PKNOX1: variants seen among roughly 807,000 people sequenced by gnomAD.
PKNOX1 encodes the protein PBX/knotted 1 homeobox 1.
Under a neutral mutation model 51.9 loss-of-function variants are expected in PKNOX1, and 15 were observed. The observed-to-expected ratio is 0.29, with a 90% CI of 0.19 to 0.45. The LOEUF is 0.45. PKNOX1 is among the 20% of genes least tolerant of loss of function. The probability of loss-of-function intolerance (pLI) is 1.00; values close to 1 mark genes in which losing one functional copy is unlikely to be tolerated. For synonymous variants in PKNOX1, 219 were observed against 211.1 expected (o/e 1.04, Z -0.32); for missense variants, 462 against 547.5 (o/e 0.84, Z 1.56).
At chr21:43,000,139 C>CA (rs1978686906) in intron 1 of PKNOX1, among the ~76,000 whole-genome samples, 3 of 152,102 alleles carry the variant, frequency 2.0e-5, no homozygotes, top group African/African-American at 7.2e-5. Flanking sequence ...CCAAACTTTC[C>CA]CACATTTTCC....
intron 1 of PKNOX1, among the ~76,000 whole-genome samples, chr21:42,991,597 G>T (rs1049492297): frequency 6.6e-6 from 1 of 151,778 alleles, no homozygotes; most frequent in Non-Finnish European, 1.5e-5. Context: ...GCATGGTGGC[G>T]GGCACCTGTA....
Position 43,030,395 on chromosome 21 carries a change from T to G in PKNOX1, c.*294T>G. The G allele has an allele frequency of 4.2e-6, 1 of 235,938 alleles. No individual in the cohort carries two copies. Among genetic ancestry groups the G allele is most frequent in the African/African-American group, 2.2e-5 (1 of 44,538 alleles). The allele number at this position is 235,938 out of a possible 1,614,324, so 14.6% of individuals were successfully genotyped here. ...TCCCTCCCCACCTTGAATCCCTAAT[T>G]AGATTAAGGAATAGCGCTGCCATTT... On this transcript the variant is annotated 3_prime_UTR_variant, in exon 11 of 11. Coordinates refer to ENST00000291547, the MANE Select transcript of PKNOX1 (RefSeq NM_004571.5).
chr21:42,991,589 A>T (rs2059087333), intron 1 of PKNOX1, among the ~76,000 whole-genome samples: 5 of 152,082 alleles, frequency 3.3e-5, no homozygotes. Flanking sequence ...TTAGCTGGGC[A>T]TGGTGGCGGG....
rs753129291 is a variant in PKNOX1, at chr21:43,029,918, G to A, written c.1128G>A (p.Val376=). 8 of 1,614,138 alleles carry A rather than the reference G, an allele frequency of 5.0e-6. No individual in the cohort carries two copies. The South Asian group carries it at 8.8e-5, about 18-fold the overall frequency. The part of the protein sequence containing the change: ...EGAVVTITTP[V]NMNVDSLQSL... The stretch of plus-strand genomic sequence containing the variant: ...CTGTTGTCACCATCACCACGCCCGT[G>A]AACATGAACGTGGACAGCCTTCAGT... The change falls in exon 11 of 11, where the codon GTG becomes GTA. Residue 376 remains valine, a synonymous_variant. Coordinates refer to ENST00000291547, the MANE Select transcript of PKNOX1 (RefSeq NM_004571.5).
chr21:43,007,628 G>A lies in PKNOX1; in HGVS notation c.179+10G>A, dbSNP rs762244786. The A allele has an allele frequency of 1.5e-5, 25 of 1,613,872 alleles. No homozygotes were observed. Among genetic ancestry groups the A allele is most frequent in the South Asian group, 4.4e-5 (4 of 91,070 alleles). On this transcript the variant is annotated intron_variant, in intron 3 of 10. Coordinates refer to ENST00000291547, the MANE Select transcript of PKNOX1 (RefSeq NM_004571.5). ...AGCAGGCCATTTATAGGTAGTGCCCGGGGTGCCGGCTGTGGGGGCCTCAGA... is the reference window on the plus strand; with the variant it reads ...AGCAGGCCATTTATAGGTAGTGCCCAGGGTGCCGGCTGTGGGGGCCTCAGA...
intron 1 of PKNOX1, among the ~76,000 whole-genome samples, chr21:42,987,404 A>AAT (rs1170402960): frequency 0.018 from 763 of 41,256 alleles, 35 homozygotes; most frequent in Middle Eastern, 0.05. Flanking sequence ...AAAAAAAAAA[A>AAT]ATATATATAT....
intron 5 of PKNOX1, among the ~76,000 whole-genome samples, chr21:43,013,907 A>T (rs557962821): frequency 4.0e-4 from 61 of 152,098 alleles, no homozygotes; most frequent in African/African-American, 1.4e-3. Context: ...TAGTGATATT[A>T]ATATTTCTTT....
intron 4 of PKNOX1, among the ~76,000 whole-genome samples, chr21:43,011,251 A>G (rs1047043695): frequency 6.6e-6 from 1 of 151,202 alleles, no homozygotes; most frequent in Non-Finnish European, 1.5e-5. Context: ...TTGTATTTTT[A>G]GTAGAGACGG....
At chr21:43,009,941 T>C (rs1979174877) in intron 3 of PKNOX1, 112 bp from the exon 4 acceptor site, 1 of 564,318 alleles carries the variant, frequency 1.8e-6, no homozygotes, top group South Asian at 3.6e-5. Context: ...CCGTGTGGCG[T>C]GTGCATTTTC....
At position 43,030,144 on chromosome 21, in the gene PKNOX1, A is replaced by G. The variant is rs1980192504; in HGVS notation, c.*43A>G. On this transcript the variant is annotated 3_prime_UTR_variant, in exon 11 of 11. Transcript: ENST00000291547. The stretch of plus-strand genomic sequence containing the variant: ...CCTGACTTTTTGGAGTTTGCACAGC[A>G]AACATTTTACACAGTTTTATTTCTA... The G allele has an allele frequency of 3.6e-6, 5 of 1,408,420 alleles. No individual in the cohort carries two copies. Among genetic ancestry groups the G allele is most frequent in the Non-Finnish European group, 4.9e-6 (5 of 1,022,632 alleles). 87.2% of individuals were successfully genotyped at this position (1,408,420 alleles called of 1,614,324 possible). A position where few individuals can be genotyped will look rare whatever the true frequency, so the allele number is the denominator to read the frequency against.
intron 8 of PKNOX1, among the ~76,000 whole-genome samples, chr21:43,022,031 G>A (rs1435031985): frequency 6.6e-6 from 1 of 152,246 alleles, no homozygotes; most frequent in Admixed American, 6.5e-5. Flanking sequence ...CACGCTGTGT[G>A]GCACCATTGC....
chr21:43,006,723 C>T (rs1037264719), intron 2 of PKNOX1, among the ~76,000 whole-genome samples: 3 of 152,156 alleles, frequency 2.0e-5, no homozygotes, highest in African/African-American at 4.8e-5. Context: ...TCCCCGCCCC[C>T]GCTGCCCCAA....
chr21:43,019,378 C>T (rs1160892740), intron 7 of PKNOX1, among the ~76,000 whole-genome samples: 5 of 142,338 alleles, frequency 3.5e-5, no homozygotes, highest in Non-Finnish European at 6.1e-5. Flanking sequence ...GCAACAAGAG[C>T]AAAACTCCAT....
chr21:42,977,537 CTTTTTTTTT>C (rs3044504), intron 1 of PKNOX1, among the ~76,000 whole-genome samples: 17 of 47,158 alleles, frequency 3.6e-4, no homozygotes, highest in African/African-American at 1.5e-3. Flanking sequence ...CTGCTTCCAA[CTTTTTTTTT>C]TTTTTTTTTT....
At chr21:42,979,436 A>G (rs1011440956) in intron 1 of PKNOX1, among the ~76,000 whole-genome samples, 1 of 152,244 alleles carries the variant, frequency 6.6e-6, no homozygotes, top group Non-Finnish European at 1.5e-5. Flanking sequence ...GCAAAACACA[A>G]TAAAAGGTAA....
In PKNOX1 at chr21:43,030,289, G is replaced by C; in HGVS notation, c.*188G>C. On this transcript the variant is annotated 3_prime_UTR_variant, in exon 11 of 11. Transcript: ENST00000291547. ...TGTGTGTGTGTGTGTGTGTGTGTGT[G>C]TGTGCGTGTGTGCGTGTGTGTGGAT... The C allele has an allele frequency of 2.3e-6, 1 of 426,422 alleles. No individual in the cohort carries two copies. The highest frequency in any genetic ancestry group is 4.1e-5 in the Admixed American group (1 of 24,646). The allele number at this position is 426,422 out of a possible 1,614,324, so 26.4% of individuals were successfully genotyped here.
chr21:43,030,021 A>G lies in PKNOX1; in HGVS notation c.1231A>G (p.Ser411Gly). The G allele has an allele frequency of 6.2e-7, 1 of 1,614,014 alleles. No homozygotes were observed. Among genetic ancestry groups the G allele is most frequent in the African/African-American group, 1.3e-5 (1 of 75,076 alleles). The change falls in exon 11 of 11, where the codon AGC becomes GGC. Residue 411 changes from serine to glycine, a missense_variant. Coordinates refer to ENST00000291547, the MANE Select transcript of PKNOX1 (RefSeq NM_004571.5). ...AGQSEDESVD[S>G]TEEDAGALAP... is the part of the protein sequence containing the mutation. ...GCAGAGCGAGGACGAGTCTGTGGAC[A>G]GCACAGAGGAGGATGCGGGTGCCCT...
intron 1 of PKNOX1, among the ~76,000 whole-genome samples, chr21:42,985,553 T>C (rs1193696481): frequency 6.7e-6 from 1 of 149,726 alleles, no homozygotes; most frequent in Admixed American, 6.7e-5. Flanking sequence ...CAGGCTGGTC[T>C]CGAACTCCTG....
Position 43,024,851 on chromosome 21 carries a change from CCTT to C in PKNOX1, c.850-16_850-14del, listed in dbSNP as rs1381798656. 7 of 1,550,080 alleles carry C rather than the reference CCTT, an allele frequency of 4.5e-6. No homozygotes were observed. Among genetic ancestry groups the C allele is most frequent in the South Asian group, 4.5e-5 (4 of 89,232 alleles). On this transcript the variant is annotated splice_polypyrimidine_tract_variant and intron_variant, in intron 8 of 10. Coordinates refer to ENST00000291547, the MANE Select transcript of PKNOX1 (RefSeq NM_004571.5). ...TTTGTAAACTCGAAGGCCATGGTAA[CCTT>C]CTTTTTTTATTTTCAGCATCCCTAC...
Sources: gnomAD v4.1 joint callset for allele counts (sites outside exome capture counted in the v4.1 genomes callset) on GRCh38, gnomAD v4.1.1 for gene constraint, MANE v1.5 for transcripts, NCBI Gene and HGNC (gene_info 2026-07-23, HGNC 2026-07-21) for gene names.